DST: variants seen among roughly 807,000 people sequenced by gnomAD.
The protein encoded by DST is dystonin.
In DST, 253 loss-of-function variants were observed where a neutral mutation model predicts 875.2. That is an observed-to-expected ratio of 0.29 (90% CI 0.26 to 0.32). The LOEUF is 0.32. Ranked by LOEUF, DST falls within the 10% of genes least tolerant of loss-of-function variation. The pLI is 1.00. For missense variants in DST, 8,287 were observed against 9,111.6 expected (o/e 0.91, Z 3.68); for synonymous variants, 3,124 against 3,197.1 (o/e 0.98, Z 0.77).
chr6:56,495,680 T>TAGA, intron 82 of DST, among the ~76,000 whole-genome samples: 2 of 152,110 alleles, frequency 1.3e-5, no homozygotes, highest in East Asian at 3.9e-4. Flanking sequence ...GTCTATTACT[T>TAGA]TTCCAGTGAA....
chr6:56,589,939 C>T lies in DST; in HGVS notation c.12903+2243G>A, dbSNP rs575088088. On this transcript the variant is annotated intron_variant, in intron 49 of 103. Transcript: ENST00000680361. ...GATAGTATGCTACATGTAGAAAGAT[C>T]GATTTTTTGTAGTAGTCTCATGGGT... 5.8e-4 allele frequency among the ~76,000 whole-genome samples: 89 copies of T among 152,208 alleles called. No individual in the cohort carries two copies. The South Asian group carries it at 0.018, about 31-fold the overall frequency.
chr6:56,815,031 T>A (rs1246396726), intron 4 of DST, among the ~76,000 whole-genome samples: 1 of 152,174 alleles, frequency 6.6e-6, no homozygotes, highest in Non-Finnish European at 1.5e-5. Context: ...GCTCTGCCAC[T>A]CGCTATAATC....
At chr6:56,880,734 G>A (rs1379138830) in intron 3 of DST, among the ~76,000 whole-genome samples, 2 of 145,062 alleles carry the variant, frequency 1.4e-5, no homozygotes, top group East Asian at 2.1e-4. Flanking sequence ...GTGCTGTTCT[G>A]TTTTTCAACT....
Position 56,605,728 on chromosome 6 carries a change from G to C in DST, c.8900C>G (p.Ser2967Ter), listed in dbSNP as rs1458968582. The C allele has an allele frequency of 6.2e-7, 1 of 1,612,734 alleles. No individual in the cohort carries two copies. Residue 2967 changes from serine to a stop codon, truncating the protein, a stop_gained, in exon 40 of 104, where the codon TCA (serine) becomes TGA (stop). Transcript: ENST00000680361. LOFTEE classifies it high-confidence loss of function. ...AGAATCAGTCAATTCTGGCAATTCTGACCCTTGAATCAACTTAACCTTTGT... is the reference window on the plus strand; with the variant it reads ...AGAATCAGTCAATTCTGGCAATTCTCACCCTTGAATCAACTTAACCTTTGT... The part of the protein sequence containing the change: ...ANTKVKLIQG[S>*]ELPELTDSVK...
chr6:56,826,904 AGCAGT>A (rs1205703814), intron 4 of DST, among the ~76,000 whole-genome samples: 1 of 152,220 alleles, frequency 6.6e-6, no homozygotes, highest in African/African-American at 2.4e-5. Flanking sequence ...CATTCTCAAA[AGCAGT>A]GCACGAGAGC....
At chr6:56,741,443 A>C (rs4379295) in intron 4 of DST, among the ~76,000 whole-genome samples, 2,007 of 152,356 alleles carry the variant, frequency 0.013, 49 homozygotes, top group African/African-American at 0.045. Context: ...AATGAGTCCC[A>C]TTCAAATACC....
intron 3 of DST, among the ~76,000 whole-genome samples, chr6:56,898,657 C>A (rs1792597014): frequency 6.6e-6 from 1 of 152,222 alleles, no homozygotes; most frequent in East Asian, 1.9e-4. Flanking sequence ...GATGTGCCAG[C>A]ACCACCTCAA....
rs759807550 is a variant in DST at position 56,511,394 on chromosome 6, G to A, written c.18583C>T (p.Arg6195Cys). 7 of 1,599,658 alleles carry A rather than the reference G, an allele frequency of 4.4e-6. No homozygotes were observed. Among genetic ancestry groups the A allele is most frequent in the South Asian group, 2.3e-5 (2 of 88,548 alleles). Reference protein sequence around the residue: ...RQQQEEHRQLRELIAEHKPHI... With the variant: ...RQQQEEHRQLCELIAEHKPHI... ...GGCTTGTGTTCAGCTATCAACTCAC[G>A]CAGTTGCTATAACAAACCAAACAGC... The change falls in exon 73 of 104, where the codon CGT becomes TGT. Residue 6195 changes from arginine to cysteine, a missense_variant. Arg to Cys is a radical substitution (Grantham distance 180, BLOSUM62 -3). Coordinates refer to ENST00000680361, the MANE Select transcript of DST (RefSeq NM_001374736.1).
intron 2 of DST, among the ~76,000 whole-genome samples, chr6:56,951,296 T>C (rs921663066): frequency 1.3e-5 from 2 of 152,174 alleles, no homozygotes; most frequent in African/African-American, 2.4e-5. Flanking sequence ...ATGCTGAAAG[T>C]GAGTTAATCT....
chr6:56,910,406 C>G (rs911802972), intron 2 of DST, among the ~76,000 whole-genome samples: 1 of 152,236 alleles, frequency 6.6e-6, no homozygotes, highest in Non-Finnish European at 1.5e-5. Context: ...ATCCTCCCAC[C>G]TGAGCCTCCC....
chr6:56,516,216 A>G (rs546070546), intron 71 of DST, among the ~76,000 whole-genome samples: 8 of 152,084 alleles, frequency 5.3e-5, no homozygotes, highest in African/African-American at 1.9e-4. Context: ...AGAAAGAGGA[A>G]TCAAAGCAGA....
At chr6:56,625,772 CAGAT>C (rs2098727747) in intron 34 of DST, among the ~76,000 whole-genome samples, 1 of 150,840 alleles carries the variant, frequency 6.6e-6, no homozygotes, top group East Asian at 1.9e-4. Flanking sequence ...AAAACAGACT[CAGAT>C]AGGTCCTTCA....
At chr6:56,825,772 T>A (rs17758144) in intron 4 of DST, among the ~76,000 whole-genome samples, 1 of 152,170 alleles carries the variant, frequency 6.6e-6, no homozygotes, top group African/African-American at 2.4e-5. Flanking sequence ...TGAAACAAGA[T>A]AATGGGTACA....
At chr6:56,542,415 T>C (rs1265765861) in intron 61 of DST, 2 of 113,568 alleles carry the variant, frequency 1.8e-5, no homozygotes, top group Non-Finnish European at 3.4e-5. Flanking sequence ...CATGGTGTAC[T>C]ACTAAGCTTC....
chr6:56,945,825 G>A (rs1465458261), intron 2 of DST: 2 of 151,602 alleles, frequency 1.3e-5, no homozygotes, highest in Non-Finnish European at 2.9e-5. Context: ...ATATAAATTT[G>A]TGAAGCATTC....
At chr6:56,638,451 A>C (rs1471661491) in intron 22 of DST, among the ~76,000 whole-genome samples, 1 of 152,138 alleles carries the variant, frequency 6.6e-6, no homozygotes, top group African/African-American at 2.4e-5. Flanking sequence ...ATTTCAGTGA[A>C]TCTATCAGAT....
At chr6:56,587,332 G>C (rs145814972) in intron 49 of DST, among the ~76,000 whole-genome samples, 1 of 152,192 alleles carries the variant, frequency 6.6e-6, no homozygotes, top group South Asian at 2.1e-4. Context: ...TGAAACGAAT[G>C]AAATGAAGCA....
intron 22 of DST, among the ~76,000 whole-genome samples, chr6:56,638,087 T>C (rs1008297618): frequency 6.6e-6 from 1 of 150,962 alleles, no homozygotes; most frequent in Non-Finnish European, 1.5e-5. Flanking sequence ...GGTTTCATTT[T>C]ACTTCTTAAG....
intron 23 of DST, 50 bp from the exon 24 acceptor site, chr6:56,635,764 GCA>G: frequency 6.2e-7 from 1 of 1,602,926 alleles, no homozygotes; most frequent in Non-Finnish European, 8.5e-7. Flanking sequence ...TACCAGCAAA[GCA>G]CACAGTTGTC....
Sources: allele counts gnomAD v4.1 joint callset (sites outside exome capture counted in the v4.1 genomes callset), GRCh38; gene constraint gnomAD v4.1.1; transcripts MANE v1.5; gene names NCBI Gene and HGNC (gene_info 2026-07-23, HGNC 2026-07-21).